Variants in INPP4B observed in about 807,000 individuals in gnomAD.
The protein encoded by INPP4B is inositol polyphosphate 4-phosphatase type II.
INPP4B carries 55 observed loss-of-function variants against 122.5 expected under a neutral mutation model. The observed-to-expected ratio is 0.45, with a 90% CI of 0.36 to 0.56. INPP4B has a LOEUF of 0.56. Among genes scored for constraint, INPP4B ranks in the 20% least tolerant of loss-of-function variants. The pLI, the probability that INPP4B is intolerant of heterozygous loss-of-function variation, is 0.00. For synonymous variants in INPP4B, 403 were observed against 388.7 expected, an observed-to-expected ratio of 1.04 and a Z score of -0.43; for missense variants, 1,000 against 1,097.7, an observed-to-expected ratio of 0.91 and a Z score of 1.26.
At chr4:142,260,226 C>T (rs112258220) in intron 11 of INPP4B, among the ~76,000 whole-genome samples, 5,865 of 152,136 alleles carry the variant, frequency 0.039, 370 homozygotes, top group African/African-American at 0.13. Flanking sequence ...CCTCATGATC[C>T]GCCCGCCTCG....
chr4:142,675,148 T>C (rs190189524), intron 2 of INPP4B, among the ~76,000 whole-genome samples: 2 of 151,922 alleles, frequency 1.3e-5, no homozygotes, highest in East Asian at 1.9e-4. Context: ...ATAGATGCAA[T>C]GAAAATGATA....
At chr4:142,715,399 G>A (rs1022811053) in intron 2 of INPP4B, among the ~76,000 whole-genome samples, 8 of 152,138 alleles carry the variant, frequency 5.3e-5, no homozygotes, top group African/African-American at 1.7e-4. Context: ...CATGTGCCTA[G>A]TGGCTATCCG....
chr4:142,360,086 C>T (rs1247514833), intron 7 of INPP4B, among the ~76,000 whole-genome samples: 1 of 151,828 alleles, frequency 6.6e-6, no homozygotes, highest in Non-Finnish European at 1.5e-5. Context: ...AAAGAAATAG[C>T]ATAATTTTAA....
chr4:142,120,579 A>G (rs368023694), intron 21 of INPP4B, among the ~76,000 whole-genome samples: 3 of 152,108 alleles, frequency 2.0e-5, no homozygotes, highest in Non-Finnish European at 4.4e-5. Flanking sequence ...CGATGTGATT[A>G]TAAGTTAGAC....
At chr4:142,196,616 GTCAGGATGACTAC>G (rs2149395683) in intron 14 of INPP4B, among the ~76,000 whole-genome samples, 1 of 152,114 alleles carries the variant, frequency 6.6e-6, no homozygotes, top group Non-Finnish European at 1.5e-5. Context: ...CCCATTTTCT[GTCAGGATGACTAC>G]TGCCTCTCAA....
intron 2 of INPP4B, among the ~76,000 whole-genome samples, chr4:142,557,863 A>G (rs1380642265): frequency 1.3e-5 from 2 of 152,186 alleles, no homozygotes; most frequent in African/African-American, 2.4e-5. Flanking sequence ...AGTTCTATCT[A>G]TGGGCTCATT....
chr4:142,651,940 C>T (rs1451673615), intron 2 of INPP4B, among the ~76,000 whole-genome samples: 2 of 151,990 alleles, frequency 1.3e-5, no homozygotes, highest in Non-Finnish European at 2.9e-5. Context: ...TAGACCAATA[C>T]CGCTGATGAA....
At chr4:142,383,905 G>T in intron 7 of INPP4B, 1 of 568,364 alleles carries the variant, frequency 1.8e-6, no homozygotes, top group South Asian at 2.5e-5. Flanking sequence ...TTATTCATGT[G>T]ACCTCTCTGC....
chr4:142,387,492 A>AAAG (rs34068540), intron 7 of INPP4B, among the ~76,000 whole-genome samples: 29,350 of 150,422 alleles, frequency 0.2, 3,790 homozygotes, highest in African/African-American at 0.37. Context: ...AAAAAAAAAA[A>AAAG]AAGAAAGAAA....
intron 2 of INPP4B, among the ~76,000 whole-genome samples, chr4:142,527,170 A>C (rs1320978376): frequency 6.6e-6 from 1 of 151,818 alleles, no homozygotes; most frequent in African/African-American, 2.4e-5. Flanking sequence ...ATAATATATA[A>C]TTTTTCATTT....
At chr4:142,032,600 A>C (rs549079160) in intron 25 of INPP4B, among the ~76,000 whole-genome samples, 1 of 152,338 alleles carries the variant, frequency 6.6e-6, no homozygotes, top group South Asian at 2.1e-4. Flanking sequence ...ATATTAGTAG[A>C]ATAGCACATA....
chr4:142,467,965 G>A (rs76007444), intron 2 of INPP4B: 5,113 of 152,158 alleles, frequency 0.034, 121 homozygotes, highest in Non-Finnish European at 0.054. Context: ...ACCATGTGAT[G>A]TGCCTGCTCC....
chr4:142,491,139 C>A (rs545232704), intron 2 of INPP4B, among the ~76,000 whole-genome samples: 2 of 152,256 alleles, frequency 1.3e-5, no homozygotes, highest in Admixed American at 1.3e-4. Context: ...GGGGCCCCCA[C>A]ACTGTTCTCT....
chr4:142,458,181 A>G (rs1035744133), intron 3 of INPP4B, among the ~76,000 whole-genome samples: 2 of 152,230 alleles, frequency 1.3e-5, no homozygotes, highest in Non-Finnish European at 2.9e-5. Context: ...AAAGGTGGCC[A>G]GCTCAAAAGG....
intron 1 of INPP4B, among the ~76,000 whole-genome samples, chr4:142,769,257 C>A (rs1256199462): frequency 1.3e-5 from 2 of 152,048 alleles, no homozygotes; most frequent in African/African-American, 2.4e-5. Flanking sequence ...GAAGGGTCTA[C>A]CTAGTGCATG....
chr4:142,574,430 G>T (rs1476356239), intron 2 of INPP4B, among the ~76,000 whole-genome samples: 1 of 151,990 alleles, frequency 6.6e-6, no homozygotes, highest in Non-Finnish European at 1.5e-5. Flanking sequence ...AGAATTCTGT[G>T]CAGTTATTTT....
chr4:142,297,636 G>A (rs1317840457), intron 9 of INPP4B, among the ~76,000 whole-genome samples: 1 of 152,178 alleles, frequency 6.6e-6, no homozygotes, highest in Non-Finnish European at 1.5e-5. Context: ...CTGAGCAAAC[G>A]CTGGTGTCAT....
chr4:142,430,182 CAGTT>C (rs1194652411), intron 4 of INPP4B, among the ~76,000 whole-genome samples: 2 of 152,026 alleles, frequency 1.3e-5, no homozygotes, highest in Non-Finnish European at 2.9e-5. Context: ...TTTTTATTCA[CAGTT>C]ATTTATTATT....
At chr4:142,807,862 G>A (rs780233039) in intron 1 of INPP4B, among the ~76,000 whole-genome samples, 1 of 152,212 alleles carries the variant, frequency 6.6e-6, no homozygotes, top group Non-Finnish European at 1.5e-5. Flanking sequence ...ATCTAAATAT[G>A]CTAACATTTA....
Sources: allele counts gnomAD v4.1 joint callset (sites outside exome capture counted in the v4.1 genomes callset), GRCh38; gene constraint gnomAD v4.1.1; transcripts MANE v1.5; gene names NCBI Gene and HGNC (gene_info 2026-07-23, HGNC 2026-07-21).